MGAM: variants seen among roughly 807,000 people sequenced by gnomAD.
MGAM encodes the protein maltase-glucoamylase, also known as alpha-1,4-glucosidase.
A neutral mutation model predicts 358.8 loss-of-function variants in MGAM; 253 were observed. That is an observed-to-expected ratio of 0.71 (90% CI 0.64 to 0.78). The LOEUF (loss-of-function observed/expected upper bound fraction) is 0.78. MGAM is among the 30% of genes least tolerant of loss of function. The pLI is 0.00. For synonymous variants in MGAM, 1,105 were observed against 1,227.1 expected (o/e 0.90, Z 2.08); for missense variants, 3,080 against 3,432.6 (o/e 0.90, Z 2.57).
At chr7:142,028,243 T>A (rs1308379118) in intron 10 of MGAM, among the ~76,000 whole-genome samples, 1 of 152,200 alleles carries the variant, frequency 6.6e-6, no homozygotes, top group African/African-American at 2.4e-5. Flanking sequence ...GATTCTGGCA[T>A]AAGATTTCAT....
In MGAM at chr7:142,067,041, T is replaced by C. The variant is rs578060195; in HGVS notation, c.4920-300T>C. ...GGACCCAGGTCACAAAAGAAGGATT[T>C]CAGCAAGAGAATTGAGGGACGAGGG... On this transcript the variant is annotated intron_variant, in intron 41 of 70. Transcript: ENST00000475668. Among the ~76,000 whole-genome samples the C allele has an allele frequency of 8.6e-4, 126 of 146,456 alleles. 4 individuals carry two copies. Among genetic ancestry groups the C allele is most frequent in the African/African-American group, 2.9e-3 (119 of 41,214 alleles).
intron 6 of MGAM, 73 bp downstream of exon 6, chr7:142,021,810 G>T (rs1337659357): frequency 6.7e-7 from 1 of 1,485,618 alleles, no homozygotes; most frequent in African/African-American, 1.4e-5. Flanking sequence ...GAAGAAGGGG[G>T]TGTTTCAACA....
intron 18 of MGAM, among the ~76,000 whole-genome samples, chr7:142,037,878 T>C (rs531631943): frequency 6.6e-6 from 1 of 152,236 alleles, no homozygotes; most frequent in South Asian, 2.1e-4. Flanking sequence ...CCCTCGAGCA[T>C]TTATCCTTTG....
At chr7:142,044,792 A>G (rs1432356987) in intron 21 of MGAM, among the ~76,000 whole-genome samples, 1 of 83,324 alleles carries the variant, frequency 1.2e-5, no homozygotes, top group African/African-American at 5.1e-5. Context: ...GTAATATATG[A>G]TATATAATGT....
rs180816006 is a variant in MGAM, at chr7:141,998,716, T to C, written c.-3+2786T>C. Among the ~76,000 whole-genome samples, 448 of 152,314 alleles carry C rather than the reference T, an allele frequency of 2.9e-3. 3 individuals carry two copies. Among genetic ancestry groups the C allele is most frequent in the African/African-American group, 0.01 (430 of 41,566 alleles). ...ATTGTAAATAGTGCTGCAGTAAACATACGTGTGCGTGTGTCTTTATAGTAG... is the reference window on the plus strand; with the variant it reads ...ATTGTAAATAGTGCTGCAGTAAACACACGTGTGCGTGTGTCTTTATAGTAG... On this transcript the variant is annotated intron_variant, in intron 1 of 70. Transcript: ENST00000475668.
chr7:142,089,961 C>T (rs964390797), intron 57 of MGAM, among the ~76,000 whole-genome samples: 5 of 145,964 alleles, frequency 3.4e-5, no homozygotes, highest in African/African-American at 1.2e-4. Flanking sequence ...AGCCAACAGC[C>T]CCATGAAAAG....
Position 142,056,343 on chromosome 7 carries a change from A to T in MGAM, c.3580+247A>T, listed in dbSNP as rs576265480. ...GGGATAGTAACACCACATGGGTCCC[A>T]AATATCCTGGAGGGCAGCTCGTGAG... is the stretch of plus-strand genomic sequence containing the variant. On this transcript the variant is annotated intron_variant, in intron 29 of 70. Coordinates refer to ENST00000475668, the MANE Select transcript of MGAM (RefSeq NM_001365693.1). Among the ~76,000 whole-genome samples, 64 of 152,340 alleles carry T rather than the reference A, an allele frequency of 4.2e-4. 2 individuals are homozygous for T. In the South Asian group the frequency reaches 0.013, roughly 31 times the overall value.
chr7:142,056,725 C>T, intron 29 of MGAM, 105 bp from the exon 30 acceptor site: 1 of 1,092,658 alleles, frequency 9.2e-7, no homozygotes, highest in Non-Finnish European at 1.3e-6. Context: ...GCTGTTACTA[C>T]TCTATGATAG....
chr7:142,008,001 T>G (rs1165576141), intron 2 of MGAM, among the ~76,000 whole-genome samples: 4 of 152,182 alleles, frequency 2.6e-5, no homozygotes, highest in Non-Finnish European at 5.9e-5. Context: ...AAGGACCAGA[T>G]AGTAAATATT....
intron 24 of MGAM, among the ~76,000 whole-genome samples, chr7:142,051,462 G>T (rs556708470): frequency 9.3e-4 from 142 of 152,176 alleles, no homozygotes; most frequent in Non-Finnish European, 7.5e-4. Flanking sequence ...TGTGATTTTT[G>T]TACTCCAGAC....
chr7:142,029,120 G>A (rs1300731658), intron 10 of MGAM, among the ~76,000 whole-genome samples: 4 of 152,132 alleles, frequency 2.6e-5, no homozygotes, highest in African/African-American at 9.7e-5. Flanking sequence ...GGAAGCCAAG[G>A]CAGGCAGATC....
At chr7:142,044,427 A>G (rs1282900738) in intron 21 of MGAM, among the ~76,000 whole-genome samples, 1 of 138,846 alleles carries the variant, frequency 7.2e-6, no homozygotes, top group Non-Finnish European at 1.5e-5. Flanking sequence ...TTATATACAC[A>G]TACGATATAT....
rs114811354 is a variant in MGAM, at chr7:142,083,570, C to T, written c.6381+157C>T. On this transcript the variant is annotated intron_variant, in intron 53 of 70. Transcript: ENST00000475668. ...AGGAAAAATAAATACATTCTAATCA[C>T]CATTAAATTTATAGCCTCTGTAAGC... Among the ~76,000 whole-genome samples the T allele has an allele frequency of 8.3e-3, 1,222 of 146,480 alleles. 130 individuals carry two copies. In the South Asian group the frequency reaches 0.093, roughly 11 times the overall value.
At chr7:142,044,564 GTGTAATATATGATATATAATGTA>G (rs1563154846) in intron 21 of MGAM, among the ~76,000 whole-genome samples, 27 of 93,424 alleles carry the variant, frequency 2.9e-4, no homozygotes, top group Non-Finnish European at 3.8e-4. Flanking sequence ...TTATATACAC[GTGTAATATATGATATATAATGTA>G]TATTATATAC....
chr7:142,060,863 C>G (rs568108303), intron 34 of MGAM, among the ~76,000 whole-genome samples: 2 of 152,032 alleles, frequency 1.3e-5, no homozygotes, highest in African/African-American at 4.8e-5. Context: ...TTCATACTTA[C>G]GAGTCCTGCC....
chr7:142,026,998 A>C, intron 8 of MGAM, 117 bp from the exon 9 acceptor site: 1 of 753,236 alleles, frequency 1.3e-6, no homozygotes. Context: ...AATGTGAGGC[A>C]CTAGGGTCAC....
chr7:142,033,742 A>G lies in MGAM; in HGVS notation c.1670-520A>G, dbSNP rs531695938. On this transcript the variant is annotated intron_variant, in intron 14 of 70. Coordinates refer to ENST00000475668, the MANE Select transcript of MGAM (RefSeq NM_001365693.1). ...TATATAGTGTGAACTAGAAATAGAT[A>G]CATAGGAGGTAAATAAGACATGACG... Among the ~76,000 whole-genome samples the G allele has an allele frequency of 1.6e-4, 25 of 152,272 alleles. No homozygotes were observed. In the South Asian group the frequency reaches 5.2e-3, roughly 32 times the overall value.
Position 142,066,630 on chromosome 7 carries a change from C to T in MGAM, c.4828C>T (p.Gln1610Ter). 6.4e-7 allele frequency: 1 copy of T among 1,555,812 alleles called. No individual in the cohort carries two copies. Among genetic ancestry groups the T allele is most frequent in the South Asian group, 1.1e-5 (1 of 89,128 alleles). Residue 1610 changes from glutamine to a stop codon, truncating the protein, a stop_gained, in exon 41 of 71, where the codon CAG (glutamine) becomes TAG (stop). Transcript: ENST00000475668. LOFTEE classifies it high-confidence loss of function. ...AFVNISRNVL[Q>*]TRYTLLPYLY... The stretch of plus-strand genomic sequence containing the variant: ...TGTGAATATTTCCAGAAATGTCCTG[C>T]AGACCAGATACACCCTGTTGCCATA...
chr7:142,088,656 GTCTATCTA>G (rs35627220), intron 57 of MGAM, among the ~76,000 whole-genome samples: 9,008 of 125,748 alleles, frequency 0.072, 954 homozygotes, highest in African/African-American at 0.16. Context: ...CTATCTGTCT[GTCTATCTA>G]TCTATCTATC....
Sources: allele counts gnomAD v4.1 joint callset (sites outside exome capture counted in the v4.1 genomes callset), GRCh38; gene constraint gnomAD v4.1.1; transcripts MANE v1.5; gene names NCBI Gene and HGNC (gene_info 2026-07-23, HGNC 2026-07-21).